The following CMTM7 variants were observed in gnomAD, a reference collection of about 807,000 sequenced individuals.
CMTM7 encodes the protein CKLF like MARVEL transmembrane domain containing 7.
Under a neutral mutation model 19.3 loss-of-function variants are expected in CMTM7, and 7 were observed. The ratio of observed to expected loss-of-function variants is 0.36; its 90% CI spans 0.21 to 0.68. The LOEUF (loss-of-function observed/expected upper bound fraction) is 0.68, where lower values mean the gene tolerates loss of function less well. Ranked by LOEUF, CMTM7 falls within the 30% of genes least tolerant of loss-of-function variation. The probability of loss-of-function intolerance (pLI) is 0.60; values close to 1 mark genes in which losing one functional copy is unlikely to be tolerated. For synonymous variants in CMTM7, 87 were observed against 99.3 expected (o/e 0.88, Z 0.74); for missense variants, 193 against 232.6 (o/e 0.83, Z 1.11).
intron 1 of CMTM7, among the ~76,000 whole-genome samples, chr3:32,419,666 A>T (rs533894647): frequency 2.8e-4 from 43 of 152,308 alleles, no homozygotes; most frequent in Admixed American, 5.9e-4. Flanking sequence ...TTGTCTGTTC[A>T]TAAGGCATAT....
At chr3:32,401,739 T>G (rs1559400516) in intron 1 of CMTM7, among the ~76,000 whole-genome samples, 1 of 152,238 alleles carries the variant, frequency 6.6e-6, no homozygotes, top group Admixed American at 6.5e-5. Flanking sequence ...GTTACTACTT[T>G]GGCTCAGTGG....
chr3:32,416,273 A>G (rs879634626), intron 1 of CMTM7, among the ~76,000 whole-genome samples: 1 of 150,658 alleles, frequency 6.6e-6, no homozygotes, highest in Non-Finnish European at 1.5e-5. Context: ...ATCTTGACTC[A>G]CTGCAGCCTC....
At chr3:32,440,388 A>G (rs1291398212) in intron 1 of CMTM7, among the ~76,000 whole-genome samples, 2 of 152,096 alleles carry the variant, frequency 1.3e-5, no homozygotes, top group Admixed American at 1.3e-4. Flanking sequence ...CCTGGGCAAC[A>G]GAGTGAGACT....
Position 32,416,541 on chromosome 3 carries a change from C to T in CMTM7, c.159+24476C>T, listed in dbSNP as rs1696269633. Among the ~76,000 whole-genome samples the T allele has an allele frequency of 2.1e-5, 3 of 143,176 alleles. No homozygotes were observed. In the Admixed American group the frequency reaches 2.1e-4, roughly 10 times the overall value. 93.9% of individuals were successfully genotyped at this position (143,176 alleles called of 152,430 possible). On this transcript the variant is annotated intron_variant, in intron 1 of 4. Transcript: ENST00000334983. Reference sequence around the variant, plus strand: ...GAGTAGCTGGGACTACAGGCGCCCGCCACCGCGCCCGGCTAATTTTTTGTA... The same window carrying T: ...GAGTAGCTGGGACTACAGGCGCCCGTCACCGCGCCCGGCTAATTTTTTGTA...
intron 1 of CMTM7, among the ~76,000 whole-genome samples, chr3:32,440,643 T>C (rs1389969185): frequency 6.6e-6 from 1 of 152,118 alleles, no homozygotes; most frequent in African/African-American, 2.4e-5. Context: ...CCAGGCATGA[T>C]GGCACACGCC....
At chr3:32,444,706 G>A (rs1285573045) in intron 2 of CMTM7, among the ~76,000 whole-genome samples, 1 of 152,126 alleles carries the variant, frequency 6.6e-6, no homozygotes, top group Non-Finnish European at 1.5e-5. Context: ...TAGATAATCT[G>A]TTATTTCTTT....
At chr3:32,424,043 T>C (rs918118567) in intron 1 of CMTM7, among the ~76,000 whole-genome samples, 2 of 152,208 alleles carry the variant, frequency 1.3e-5, no homozygotes, top group East Asian at 3.8e-4. Flanking sequence ...CACTTATTCT[T>C]ACAAATTCTG....
intron 1 of CMTM7, among the ~76,000 whole-genome samples, chr3:32,402,093 A>G (rs7616021): frequency 0.097 from 14,797 of 151,940 alleles, 891 homozygotes; most frequent in African/African-American, 0.15. Context: ...TTGTTTGTTT[A>G]TTTGTTTGTT....
At chr3:32,409,021 A>G (rs371189380) in intron 1 of CMTM7, among the ~76,000 whole-genome samples, 4 of 152,078 alleles carry the variant, frequency 2.6e-5, no homozygotes, top group African/African-American at 7.2e-5. Context: ...AGCTGGGACT[A>G]CAGTCACGCG....
intron 1 of CMTM7, among the ~76,000 whole-genome samples, chr3:32,414,808 C>T (rs1696234669): frequency 6.6e-6 from 1 of 152,116 alleles, no homozygotes; most frequent in Non-Finnish European, 1.5e-5. Context: ...AGGAACTGTG[C>T]GTAGTGCTTT....
At chr3:32,421,155 A>C (rs528849713) in intron 1 of CMTM7, among the ~76,000 whole-genome samples, 6 of 152,046 alleles carry the variant, frequency 3.9e-5, no homozygotes, top group African/African-American at 1.2e-4. Flanking sequence ...AGCCTCCTAC[A>C]AACTGACTTC....
At chr3:32,394,224 G>T (rs1695882217) in intron 1 of CMTM7, among the ~76,000 whole-genome samples, 1 of 152,078 alleles carries the variant, frequency 6.6e-6, no homozygotes, top group Non-Finnish European at 1.5e-5. Context: ...GACTCTGCTT[G>T]GGCATTTGAG....
chr3:32,404,028 A>C (rs1696050157), intron 1 of CMTM7, among the ~76,000 whole-genome samples: 1 of 151,918 alleles, frequency 6.6e-6, no homozygotes, highest in Non-Finnish European at 1.5e-5. Flanking sequence ...TTTTATTTCT[A>C]AGTTCCTCCA....
chr3:32,450,647 C>A (rs187283198), intron 3 of CMTM7, among the ~76,000 whole-genome samples: 1 of 152,132 alleles, frequency 6.6e-6, no homozygotes, highest in Non-Finnish European at 1.5e-5. Context: ...CTCTCTGCCC[C>A]CTCTCTCTGC....
At chr3:32,451,679 G>T (rs1696834828) in intron 3 of CMTM7, 1 of 188,478 alleles carries the variant, frequency 5.3e-6, no homozygotes. Flanking sequence ...TCAAAGCCCA[G>T]AGATTCCAGA....
At chr3:32,417,426 A>G (rs1257120446) in intron 1 of CMTM7, among the ~76,000 whole-genome samples, 3 of 152,258 alleles carry the variant, frequency 2.0e-5, no homozygotes, top group African/African-American at 4.8e-5. Context: ...ATTACTGAGT[A>G]GTGTTCCATG....
intron 1 of CMTM7, among the ~76,000 whole-genome samples, chr3:32,395,373 A>G (rs944069670): frequency 6.6e-6 from 1 of 152,080 alleles, no homozygotes; most frequent in African/African-American, 2.4e-5. Context: ...ACTATATACC[A>G]TGTGTGTATA....
intron 1 of CMTM7, among the ~76,000 whole-genome samples, chr3:32,429,576 C>G (rs1463605112): frequency 1.3e-5 from 2 of 151,604 alleles, no homozygotes; most frequent in Non-Finnish European, 2.9e-5. Flanking sequence ...CAGGCGTGAG[C>G]CATCACGGCT....
intron 1 of CMTM7, among the ~76,000 whole-genome samples, chr3:32,408,059 G>C (rs1053598159): frequency 6.6e-6 from 1 of 152,196 alleles, no homozygotes; most frequent in African/African-American, 2.4e-5. Context: ...CCAATGACAA[G>C]TGCCCTTGTA....
Sources: gnomAD v4.1 joint callset for allele counts (sites outside exome capture counted in the v4.1 genomes callset) on GRCh38, gnomAD v4.1.1 for gene constraint, MANE v1.5 for transcripts, NCBI Gene and HGNC (gene_info 2026-07-23, HGNC 2026-07-21) for gene names.